CPNE8: variants seen among roughly 807,000 people sequenced by gnomAD.
CPNE8 encodes copine-8.
CPNE8 carries 45 observed loss-of-function variants against 81.5 expected under a neutral mutation model. The observed-to-expected ratio is 0.55, with a 90% CI of 0.44 to 0.71. The LOEUF is 0.71. CPNE8 is among the 30% of genes least tolerant of loss of function. The pLI, the probability that CPNE8 is intolerant of heterozygous loss-of-function variation, is 0.00. For synonymous variants in CPNE8, 252 were observed against 226.3 expected (o/e 1.11, Z -1.02); for missense variants, 594 against 672.1 (o/e 0.88, Z 1.28).
At chr12:38,837,273 TCTAA>T (rs10561542) in intron 5 of CPNE8, among the ~76,000 whole-genome samples, 57,730 of 151,648 alleles carry the variant, frequency 0.38, 12,938 homozygotes, top group Non-Finnish European at 0.51. Context: ...ATCCAAATTT[TCTAA>T]CTGAGTAAAC....
chr12:38,801,065 C>T (rs1362833511), intron 6 of CPNE8, among the ~76,000 whole-genome samples: 12 of 145,510 alleles, frequency 8.2e-5, no homozygotes, highest in Non-Finnish European at 1.2e-4. Flanking sequence ...AGAATGGAAC[C>T]AAGTTGGAAA....
intron 19 of CPNE8, among the ~76,000 whole-genome samples, chr12:38,660,997 T>A (rs1938939333): frequency 6.6e-6 from 1 of 152,228 alleles, no homozygotes; most frequent in Non-Finnish European, 1.5e-5. Context: ...AGAATGTTTT[T>A]ACACTGTTGG....
chr12:38,709,836 T>C (rs912545136), intron 13 of CPNE8, among the ~76,000 whole-genome samples: 1 of 152,144 alleles, frequency 6.6e-6, no homozygotes, highest in Non-Finnish European at 1.5e-5. Context: ...TCTAACCTTG[T>C]TAGGTGTTAT....
At chr12:38,674,600 G>A in intron 18 of CPNE8, among the ~76,000 whole-genome samples, 1 of 152,074 alleles carries the variant, frequency 6.6e-6, no homozygotes, top group East Asian at 1.9e-4. Flanking sequence ...TGCTAATAGA[G>A]ATAGAGAAAA....
chr12:38,883,870 T>TCTGGTCTACA (rs1166668692), intron 1 of CPNE8, among the ~76,000 whole-genome samples: 2 of 152,188 alleles, frequency 1.3e-5, no homozygotes, highest in African/African-American at 2.4e-5. Context: ...TGTCTAACTT[T>TCTGGTCTACA]CTGGTCAGAT....
At chr12:38,858,081 A>G (rs1343572548) in intron 3 of CPNE8, among the ~76,000 whole-genome samples, 1 of 152,234 alleles carries the variant, frequency 6.6e-6, no homozygotes, top group African/African-American at 2.4e-5. Context: ...GCCTTTCTCA[A>G]GAACATAGGA....
At chr12:38,719,528 A>G (rs925553441) in intron 13 of CPNE8, among the ~76,000 whole-genome samples, 12 of 149,502 alleles carry the variant, frequency 8.0e-5, no homozygotes, top group Non-Finnish European at 1.3e-4. Context: ...GCTTGAACCC[A>G]GGAGGCAGAG....
At chr12:38,797,354 C>A (rs1335135344) in intron 6 of CPNE8, among the ~76,000 whole-genome samples, 1 of 152,110 alleles carries the variant, frequency 6.6e-6, no homozygotes, top group African/African-American at 2.4e-5. Context: ...GACAAAACTT[C>A]CAGAGGAACT....
At chr12:38,776,929 C>T (rs375731915) in intron 6 of CPNE8, among the ~76,000 whole-genome samples, 5 of 151,616 alleles carry the variant, frequency 3.3e-5, no homozygotes, top group Non-Finnish European at 7.4e-5. Context: ...GTCCATAATA[C>T]TTGACAATGA....
chr12:38,668,668 A>C (rs1286912759), intron 19 of CPNE8, among the ~76,000 whole-genome samples: 1 of 152,194 alleles, frequency 6.6e-6, no homozygotes, highest in Non-Finnish European at 1.5e-5. Context: ...CAAATATTCT[A>C]GAGAGCTTTT....
chr12:38,905,794 G>A (rs921863522), upstream of CPNE8: 75 of 985,232 alleles, frequency 7.6e-5, no homozygotes, highest in Non-Finnish European at 8.8e-5. Flanking sequence ...GCCCCCTTCC[G>A]GCAGGCAGCA....
chr12:38,791,693 AG>A (rs1236594810), intron 6 of CPNE8, among the ~76,000 whole-genome samples: 2 of 151,628 alleles, frequency 1.3e-5, no homozygotes, highest in Non-Finnish European at 3.0e-5. Flanking sequence ...ACCAGACAAA[AG>A]GTCAACAAGG....
intron 10 of CPNE8, among the ~76,000 whole-genome samples, chr12:38,731,146 G>GT (rs746284280): frequency 1.3e-5 from 2 of 151,972 alleles, no homozygotes; most frequent in Non-Finnish European, 2.9e-5. Flanking sequence ...CTGCTGAGAA[G>GT]TAAGTACAAA....
intron 6 of CPNE8, among the ~76,000 whole-genome samples, chr12:38,800,002 T>A (rs1942617308): frequency 7.1e-6 from 1 of 141,400 alleles, no homozygotes; most frequent in Admixed American, 7.2e-5. Context: ...GCTCAGAGGG[T>A]CCTACGCCCA....
At chr12:38,713,195 A>T (rs1940303355) in intron 13 of CPNE8, among the ~76,000 whole-genome samples, 1 of 152,172 alleles carries the variant, frequency 6.6e-6, no homozygotes, top group Admixed American at 6.5e-5. Context: ...CACTTCTTTG[A>T]AATTGGGCTG....
At chr12:38,905,979 C>G (rs1944565955), upstream of CPNE8, 1 of 985,292 alleles carries the variant, frequency 1.0e-6, no homozygotes, top group East Asian at 1.1e-4. Flanking sequence ...CTCTGCACAC[C>G]CACACTCGCC....
chr12:38,844,624 T>A (rs1255378075), intron 4 of CPNE8, among the ~76,000 whole-genome samples: 1 of 152,112 alleles, frequency 6.6e-6, no homozygotes, highest in East Asian at 1.9e-4. Context: ...AAAAAAATTA[T>A]TATCGGTTAA....
At chr12:38,890,687 C>G (rs1043547557) in intron 1 of CPNE8, among the ~76,000 whole-genome samples, 5 of 152,098 alleles carry the variant, frequency 3.3e-5, no homozygotes, top group African/African-American at 1.2e-4. Flanking sequence ...GTGAAACCAT[C>G]ACGTGCTGCT....
chr12:38,834,740 CT>C (rs1943353435), intron 5 of CPNE8, among the ~76,000 whole-genome samples: 1 of 152,150 alleles, frequency 6.6e-6, no homozygotes, highest in South Asian at 2.1e-4. Context: ...AAAATCCAAA[CT>C]CTTTTTTTAA....
Sources: gnomAD v4.1 joint callset for allele counts (sites outside exome capture counted in the v4.1 genomes callset) on GRCh38, gnomAD v4.1.1 for gene constraint, MANE v1.5 for transcripts, NCBI Gene and HGNC (gene_info 2026-07-23, HGNC 2026-07-21) for gene names.